Variants in GRM3 observed in about 807,000 individuals in gnomAD.
GRM3 encodes the protein metabotropic glutamate receptor 3.
GRM3 carries 26 observed loss-of-function variants against 70.5 expected under a neutral mutation model. That is an observed-to-expected ratio of 0.37 (90% confidence interval 0.27 to 0.51). The LOEUF (loss-of-function observed/expected upper bound fraction) is 0.51, where lower values mean the gene tolerates loss of function less well. Ranked by LOEUF, GRM3 falls within the 20% of genes least tolerant of loss-of-function variation. The pLI, the probability that GRM3 is intolerant of heterozygous loss-of-function variation, is 0.93. For missense variants in GRM3, 859 were observed against 1,123.8 expected, an observed-to-expected ratio of 0.76 and a Z score of 3.37; for synonymous variants, 443 against 434.9, an observed-to-expected ratio of 1.02 and a Z score of -0.23.
At chr7:86,734,596 A>G (rs992487111) in intron 1 of GRM3, among the ~76,000 whole-genome samples, 3 of 152,182 alleles carry the variant, frequency 2.0e-5, no homozygotes, top group African/African-American at 7.2e-5. Context: ...TCACACAGGA[A>G]GTCTCTCAGC....
chr7:86,671,181 C>A (rs1338342827), intron 1 of GRM3, among the ~76,000 whole-genome samples: 1 of 152,208 alleles, frequency 6.6e-6, no homozygotes, highest in Non-Finnish European at 1.5e-5. Flanking sequence ...CAGGTGCCTT[C>A]CTCCATGCCC....
intron 1 of GRM3, among the ~76,000 whole-genome samples, chr7:86,695,037 G>A (rs1257474249): frequency 1.3e-5 from 2 of 152,096 alleles, no homozygotes; most frequent in Non-Finnish European, 2.9e-5. Flanking sequence ...TGCTTATCAG[G>A]CCCTTAAAAG....
At chr7:86,803,360 A>T (rs952859661) in intron 3 of GRM3, among the ~76,000 whole-genome samples, 1 of 152,180 alleles carries the variant, frequency 6.6e-6, no homozygotes, top group African/African-American at 2.4e-5. Context: ...CTTTCTTTTC[A>T]GTAGAGAAAT....
intron 1 of GRM3, among the ~76,000 whole-genome samples, chr7:86,721,875 G>C (rs1346333873): frequency 1.3e-5 from 2 of 152,100 alleles, no homozygotes; most frequent in African/African-American, 2.4e-5. Flanking sequence ...GCAGTGTGAT[G>C]TCATTGGCAC....
At chr7:86,680,039 G>A (rs548952235) in intron 1 of GRM3, among the ~76,000 whole-genome samples, 4 of 152,000 alleles carry the variant, frequency 2.6e-5, no homozygotes, top group South Asian at 2.1e-4. Context: ...GAAATCAAGC[G>A]TGCAGAACAA....
chr7:86,661,418 G>A (rs958783580), intron 1 of GRM3, among the ~76,000 whole-genome samples: 1 of 151,828 alleles, frequency 6.6e-6, no homozygotes, highest in Non-Finnish European at 1.5e-5. Context: ...TGGGCCCTGC[G>A]GTAGGTGCTG....
intron 1 of GRM3, among the ~76,000 whole-genome samples, chr7:86,730,256 C>T (rs539924238): frequency 1.1e-4 from 17 of 152,190 alleles, no homozygotes; most frequent in African/African-American, 3.9e-4. Flanking sequence ...CCCGCCTCTA[C>T]TGAAAATACA....
At chr7:86,689,976 C>T (rs1017942192) in intron 1 of GRM3, among the ~76,000 whole-genome samples, 3 of 152,030 alleles carry the variant, frequency 2.0e-5, no homozygotes, top group Non-Finnish European at 4.4e-5. Flanking sequence ...AAGGGTCTTT[C>T]CTATTCTAGG....
chr7:86,764,529 C>A (rs1796553838), intron 1 of GRM3, among the ~76,000 whole-genome samples: 2 of 151,966 alleles, frequency 1.3e-5, no homozygotes, highest in South Asian at 4.1e-4. Context: ...GAAATGGTAA[C>A]AGAGTTCATT....
chr7:86,662,871 T>C (rs1317592988), intron 1 of GRM3, among the ~76,000 whole-genome samples: 1 of 151,818 alleles, frequency 6.6e-6, no homozygotes, highest in East Asian at 1.9e-4. Context: ...GTAGTATGAA[T>C]TTTTAAAATG....
chr7:86,710,875 T>G (rs1248586852), intron 1 of GRM3, among the ~76,000 whole-genome samples: 1 of 152,038 alleles, frequency 6.6e-6, no homozygotes, highest in Non-Finnish European at 1.5e-5. Flanking sequence ...ATTATCTACA[T>G]TTTACAGATG....
intron 1 of GRM3, among the ~76,000 whole-genome samples, chr7:86,646,358 A>G (rs915196732): frequency 3.3e-5 from 5 of 152,218 alleles, no homozygotes; most frequent in African/African-American, 9.6e-5. Context: ...TTACACCTGT[A>G]GACTTTAGCT....
chr7:86,724,537 T>G (rs559652928), intron 1 of GRM3, among the ~76,000 whole-genome samples: 1 of 152,288 alleles, frequency 6.6e-6, no homozygotes, highest in South Asian at 2.1e-4. Flanking sequence ...CAGTAGCAAG[T>G]AGACCAACTG....
At chr7:86,818,143 C>T (rs894018307) in intron 3 of GRM3, among the ~76,000 whole-genome samples, 2 of 151,992 alleles carry the variant, frequency 1.3e-5, no homozygotes, top group Non-Finnish European at 2.9e-5. Context: ...TCTATTTTGC[C>T]TGAAAGACCA....
At chr7:86,729,190 G>A (rs368334542) in intron 1 of GRM3, among the ~76,000 whole-genome samples, 1 of 152,094 alleles carries the variant, frequency 6.6e-6, no homozygotes, top group African/African-American at 2.4e-5. Flanking sequence ...TTAAGAGAAG[G>A]ATTCCCAAGC....
At chr7:86,756,765 T>C (rs749065394) in intron 1 of GRM3, among the ~76,000 whole-genome samples, 1 of 152,130 alleles carries the variant, frequency 6.6e-6, no homozygotes, top group Non-Finnish European at 1.5e-5. Flanking sequence ...TTTGGGGAAT[T>C]TTTTGGCCAT....
chr7:86,740,878 G>A (rs1169155870), intron 1 of GRM3, among the ~76,000 whole-genome samples: 2 of 152,052 alleles, frequency 1.3e-5, no homozygotes, highest in Non-Finnish European at 2.9e-5. Flanking sequence ...TTTTCCTGTG[G>A]TAGTCTATTA....
intron 1 of GRM3, among the ~76,000 whole-genome samples, chr7:86,708,918 G>A (rs1225682495): frequency 6.8e-6 from 1 of 146,058 alleles, no homozygotes; most frequent in Non-Finnish European, 1.5e-5. Flanking sequence ...CAGCTAAGTA[G>A]CTCGAATCTC....
chr7:86,769,464 CAGTTT>C (rs1273808483), intron 2 of GRM3, among the ~76,000 whole-genome samples: 1 of 152,046 alleles, frequency 6.6e-6, no homozygotes, highest in Non-Finnish European at 1.5e-5. Context: ...GTGGTTGGGT[CAGTTT>C]AGACATTGCA....
Sources: allele counts gnomAD v4.1 joint callset (sites outside exome capture counted in the v4.1 genomes callset), GRCh38; gene constraint gnomAD v4.1.1; transcripts MANE v1.5; gene names NCBI Gene and HGNC (gene_info 2026-07-23, HGNC 2026-07-21).